The following EPB41L4B variants were observed in gnomAD, a reference collection of about 807,000 sequenced individuals.
The protein encoded by EPB41L4B is band 4.1-like protein 4B.
A neutral mutation model predicts 112.5 loss-of-function variants in EPB41L4B; 30 were observed. The observed-to-expected ratio is 0.27, with a 90% CI of 0.20 to 0.36. EPB41L4B has a LOEUF of 0.36. EPB41L4B is among the 10% of genes least tolerant of loss of function. EPB41L4B has a pLI of 1.00. For missense variants in EPB41L4B, 1,024 were observed against 1,133.3 expected (o/e 0.90, Z 1.38); for synonymous variants, 408 against 439.7 (o/e 0.93, Z 0.90).
chr9:109,310,292 C>T (rs1261604727), intron 1 of EPB41L4B, among the ~76,000 whole-genome samples: 1 of 150,738 alleles, frequency 6.6e-6, no homozygotes, highest in Non-Finnish European at 1.5e-5. Flanking sequence ...GGAAAACGTA[C>T]ACATGCAGAG....
intron 15 of EPB41L4B, among the ~76,000 whole-genome samples, chr9:109,220,452 A>G (rs1173785278): frequency 6.6e-6 from 1 of 151,862 alleles, no homozygotes; most frequent in Non-Finnish European, 1.5e-5. Flanking sequence ...TTGGGGAGAG[A>G]CTCCAGTATC....
Position 109,279,892 on chromosome 9 carries a change from A to G in EPB41L4B, c.336T>C (p.Asp112=). 1 of 1,614,116 alleles carries G rather than the reference A, an allele frequency of 6.2e-7. No homozygotes were observed. The highest frequency in any genetic ancestry group is 8.5e-7 in the Non-Finnish European group (1 of 1,180,002). The change falls in exon 2 of 26, where the codon GAT becomes GAC. Residue 112 remains aspartate, a synonymous_variant. Coordinates refer to ENST00000374566, the MANE Select transcript of EPB41L4B (RefSeq NM_019114.5). The part of the protein sequence containing the change: ...PKHAKGQDLF[D]QIVYHLDLVE... ...CAAGGTCCAAGTGGTACACAATCTG[A>G]TCAAACAAATCCTGGCCTTTGGCAT... is the stretch of plus-strand genomic sequence containing the variant.
At chr9:109,289,139 C>G (rs868147532) in intron 1 of EPB41L4B, among the ~76,000 whole-genome samples, 2 of 152,140 alleles carry the variant, frequency 1.3e-5, no homozygotes, top group African/African-American at 4.8e-5. Flanking sequence ...GTGCAGGTTC[C>G]TCAGCCTGGT....
At chr9:109,182,821 G>A in intron 23 of EPB41L4B, 24 bp from the exon 24 acceptor site, 10 of 1,541,266 alleles carry the variant, frequency 6.5e-6, no homozygotes, top group Non-Finnish European at 9.0e-6. Flanking sequence ...AAAGACAAGG[G>A]GGTTACCTTC....
At chr9:109,309,755 C>CAGAGAGAGAGAGAGAGAGAG (rs34950010) in intron 1 of EPB41L4B, among the ~76,000 whole-genome samples, 11 of 142,132 alleles carry the variant, frequency 7.7e-5, no homozygotes, top group African/African-American at 2.9e-4. Flanking sequence ...AATACACACA[C>CAGAGAGAGAGAGAGAGAGAG]AGAGAGAGAG....
chr9:109,201,820 C>T (rs1469352740), intron 19 of EPB41L4B, among the ~76,000 whole-genome samples: 2 of 152,006 alleles, frequency 1.3e-5, no homozygotes, highest in Non-Finnish European at 2.9e-5. Context: ...CATATGGGGC[C>T]TCAGGCTGAG....
intron 2 of EPB41L4B, among the ~76,000 whole-genome samples, chr9:109,271,122 C>T (rs889257380): frequency 1.3e-5 from 2 of 152,236 alleles, no homozygotes; most frequent in Non-Finnish European, 2.9e-5. Context: ...GGCCAAACAC[C>T]TGTGGCTGGT....
intron 15 of EPB41L4B, among the ~76,000 whole-genome samples, chr9:109,242,358 A>C (rs1834382722): frequency 1.3e-5 from 2 of 152,346 alleles, no homozygotes; most frequent in East Asian, 3.9e-4. Flanking sequence ...CCAGAGAGGC[A>C]CTGTTTACGG....
intron 22 of EPB41L4B, among the ~76,000 whole-genome samples, chr9:109,191,139 C>A (rs930152155): frequency 3.3e-5 from 5 of 152,144 alleles, no homozygotes; most frequent in Non-Finnish European, 7.4e-5. Flanking sequence ...CTTCTAGGAC[C>A]CTTTGGCGCT....
intron 1 of EPB41L4B, among the ~76,000 whole-genome samples, chr9:109,281,722 A>AATT (rs1836061182): frequency 2.8e-4 from 35 of 125,552 alleles, no homozygotes; most frequent in African/African-American, 9.1e-4. Flanking sequence ...ATAAATAAAT[A>AATT]AATTAATTAA....
At chr9:109,250,136 T>C (rs143024922) in intron 13 of EPB41L4B, among the ~76,000 whole-genome samples, 19 of 152,272 alleles carry the variant, frequency 1.2e-4, no homozygotes, top group Middle Eastern at 3.4e-3. Context: ...AGGTTTCTTC[T>C]AGAGGGTGAA....
At chr9:109,201,834 T>C (rs567811561) in intron 19 of EPB41L4B, among the ~76,000 whole-genome samples, 1 of 151,654 alleles carries the variant, frequency 6.6e-6, no homozygotes, top group South Asian at 2.1e-4. Flanking sequence ...GGCTGAGGAG[T>C]CTACACTGAA....
At chr9:109,264,360 A>G (rs960711480) in intron 5 of EPB41L4B, among the ~76,000 whole-genome samples, 3 of 152,232 alleles carry the variant, frequency 2.0e-5, no homozygotes, top group Non-Finnish European at 4.4e-5. Context: ...AATATTCAAT[A>G]CAGATGCTGA....
chr9:109,275,413 C>G (rs930288774), intron 2 of EPB41L4B, among the ~76,000 whole-genome samples: 1 of 152,170 alleles, frequency 6.6e-6, no homozygotes, highest in South Asian at 2.1e-4. Context: ...CTATGACATC[C>G]AATCACCTCC....
intron 24 of EPB41L4B, among the ~76,000 whole-genome samples, chr9:109,178,918 A>AAAAAAAT (rs1399427844): frequency 5.3e-5 from 8 of 151,728 alleles, no homozygotes; most frequent in Admixed American, 1.3e-4. Flanking sequence ...AAAAAAAAAA[A>AAAAAAAT]AGCCAGTTTC....
At chr9:109,240,846 A>G in intron 15 of EPB41L4B, 1 of 985,462 alleles carries the variant, frequency 1.0e-6, no homozygotes, top group Non-Finnish European at 1.2e-6. Context: ...AAATCACGCA[A>G]GTTAGCAGCA....
chr9:109,302,670 G>A (rs1044936104), intron 1 of EPB41L4B, among the ~76,000 whole-genome samples: 5 of 151,974 alleles, frequency 3.3e-5, no homozygotes, highest in Admixed American at 6.5e-5. Flanking sequence ...GAACACACCC[G>A]AAGATCCAAC....
At chr9:109,276,076 ATATATACATATATATTATATATGTGTATC>A (rs1402390751) in intron 2 of EPB41L4B, among the ~76,000 whole-genome samples, 1 of 148,044 alleles carries the variant, frequency 6.8e-6, no homozygotes, top group Non-Finnish European at 1.5e-5. Flanking sequence ...AAATATGTGT[ATATATACATATATATTATATATGTGTATC>A]TATATACACA....
At chr9:109,232,746 T>C (rs1220076574) in intron 15 of EPB41L4B, among the ~76,000 whole-genome samples, 3 of 152,174 alleles carry the variant, frequency 2.0e-5, no homozygotes, top group Non-Finnish European at 2.9e-5. Flanking sequence ...TGAGTCAGAG[T>C]TGGAGCTGAA....
Sources: allele counts gnomAD v4.1 joint callset (sites outside exome capture counted in the v4.1 genomes callset), GRCh38; gene constraint gnomAD v4.1.1; transcripts MANE v1.5; gene names NCBI Gene and HGNC (gene_info 2026-07-23, HGNC 2026-07-21).